DNAJC17: variants seen among roughly 807,000 people sequenced by gnomAD.
The protein encoded by DNAJC17 is DnaJ heat shock protein family (Hsp40) member C17.
DNAJC17 carries 35 observed loss-of-function variants against 48.1 expected under a neutral mutation model. The ratio of observed to expected loss-of-function variants is 0.73; its 90% CI spans 0.56 to 0.96. The LOEUF (loss-of-function observed/expected upper bound fraction) is 0.96. DNAJC17 is among the 50% of genes least tolerant of loss of function. The pLI is 0.00. For missense variants in DNAJC17, 355 were observed against 377.1 expected (o/e 0.94, Z 0.48); for synonymous variants, 117 against 142.7 (o/e 0.82, Z 1.28).
chr15:40,791,559 A>G (rs1007139997), intron 1 of DNAJC17, among the ~76,000 whole-genome samples: 4 of 151,740 alleles, frequency 2.6e-5, no homozygotes, highest in African/African-American at 9.7e-5. Context: ...AAAAAACAAC[A>G]GGCAGCTGGT....
At chr15:40,774,946 T>C in intron 8 of DNAJC17, 85 bp downstream of exon 8, 1 of 1,409,626 alleles carries the variant, frequency 7.1e-7, no homozygotes, top group Non-Finnish European at 1.0e-6. Context: ...TTAAGGGAAG[T>C]TCAGGCATTG....
intron 1 of DNAJC17, 99 bp downstream of exon 1, chr15:40,807,270 G>C: frequency 1.9e-6 from 3 of 1,605,244 alleles, no homozygotes; most frequent in Non-Finnish European, 2.6e-6. Flanking sequence ...CCCAGGACCC[G>C]AATGAACCTG....
Position 40,770,490 on chromosome 15 carries a change from G to T in DNAJC17, c.793-2428C>A. The T allele has an allele frequency of 6.5e-7, 1 of 1,546,730 alleles. No homozygotes were observed. The highest frequency in any genetic ancestry group is 8.7e-7 in the Non-Finnish European group (1 of 1,145,236). ...GAACACCTGTCTGCTGGCTCCCCTG[G>T]GCCCCATGGAGACCTGGCGGAAAGG... On this transcript the variant is annotated intron_variant, in intron 10 of 10. Transcript: ENST00000220496. The surrounding 1 kb of genome is among the most constrained non-coding windows in gnomAD (Gnocchi z 5.0).
chr15:40,768,735 C>T (rs1475850768), intron 10 of DNAJC17, among the ~76,000 whole-genome samples: 2 of 152,256 alleles, frequency 1.3e-5, no homozygotes, highest in Non-Finnish European at 2.9e-5. Context: ...AGCAGCTCTA[C>T]AGCGGGACCT....
At position 40,770,110 on chromosome 15, in the gene DNAJC17, A is replaced by C; in HGVS notation, c.793-2048T>G. 9.8e-6 allele frequency: 2 copies of C among 204,590 alleles called. No individual in the cohort carries two copies. Among genetic ancestry groups the C allele is most frequent in the African/African-American group, 2.3e-5 (1 of 42,606 alleles). 12.7% of individuals were successfully genotyped at this position (204,590 alleles called of 1,614,324 possible). ...CGGGCCATCTGCTGCCTGCCTGTGG[A>C]AGGAGCGCTCGCCAGCCTCACCCAG... On this transcript the variant is annotated intron_variant, in intron 10 of 10. Transcript: ENST00000220496. This position sits in a 1 kb window ranked among gnomAD's most constrained non-coding sequence, Gnocchi z 5.0.
chr15:40,778,665 C>T (rs1354620989), intron 4 of DNAJC17, among the ~76,000 whole-genome samples: 2 of 152,132 alleles, frequency 1.3e-5, no homozygotes, highest in East Asian at 1.9e-4. Context: ...AGGCCAGGTG[C>T]GGCAGCTCAC....
intron 1 of DNAJC17, among the ~76,000 whole-genome samples, chr15:40,799,920 G>A (rs1003831644): frequency 1.3e-5 from 2 of 152,086 alleles, no homozygotes; most frequent in Non-Finnish European, 2.9e-5. Context: ...CACAATCATA[G>A]CGCACTGTAG....
rs1889424044 is a variant in DNAJC17, at chr15:40,779,598, G to A, written c.154C>T (p.Leu52Phe). 1 of 1,613,850 alleles carries A rather than the reference G, an allele frequency of 6.2e-7. No homozygotes were observed. The highest frequency in any genetic ancestry group is 8.5e-7 in the Non-Finnish European group (1 of 1,180,018). ...AAGGCCTGAGAAAGCTGGTGGAAGA[G>A]TTCAGCTAAACATAAGGATCAAAAA... ...KNPDNPRAAE[L>F]FHQLSQALEV... Residue 52 changes from leucine to phenylalanine, a missense_variant, in exon 3 of 11, where the codon CTC becomes TTC. Leu to Phe is a conservative substitution (Grantham distance 22). Coordinates refer to ENST00000220496, the MANE Select transcript of DNAJC17 (RefSeq NM_018163.3).
At chr15:40,801,984 G>T (rs1223526570) in intron 1 of DNAJC17, among the ~76,000 whole-genome samples, 5 of 151,862 alleles carry the variant, frequency 3.3e-5, no homozygotes, top group Admixed American at 6.6e-5. Context: ...GGGTGAACAG[G>T]TTTGGGGATT....
intron 9 of DNAJC17, 32 bp downstream of exon 9, chr15:40,774,324 C>G (rs751628805): frequency 1.2e-6 from 2 of 1,612,648 alleles, no homozygotes; most frequent in South Asian, 2.2e-5. Context: ...GACAGGGCCA[C>G]GAGGGGCCCC....
At chr15:40,795,000 T>G (rs374088160) in intron 1 of DNAJC17, among the ~76,000 whole-genome samples, 439 of 151,414 alleles carry the variant, frequency 2.9e-3, no homozygotes, top group Middle Eastern at 6.8e-3. Flanking sequence ...ATTACAGGCA[T>G]GAGCCACCGT....
chr15:40,803,571 G>A (rs1301710853), intron 1 of DNAJC17, among the ~76,000 whole-genome samples: 2 of 152,120 alleles, frequency 1.3e-5, no homozygotes, highest in African/African-American at 4.8e-5. Flanking sequence ...TGCTTTCTTG[G>A]AATGCCCTGC....
chr15:40,775,012 G>A lies in DNAJC17; in HGVS notation c.600+19C>T. The A allele has an allele frequency of 6.2e-7, 1 of 1,613,872 alleles. No homozygotes were observed. Among genetic ancestry groups the A allele is most frequent in the African/African-American group, 1.3e-5 (1 of 75,038 alleles). ...GTGGACTGAGATGATAGGAAAGAGT[G>A]GACGTCAACAGGGCCGACCTTCTGC... On this transcript the variant is annotated intron_variant, in intron 8 of 10. Coordinates refer to ENST00000220496, the MANE Select transcript of DNAJC17 (RefSeq NM_018163.3).
At chr15:40,776,314 T>A (rs1187416727) in intron 5 of DNAJC17, 22 bp from the exon 6 acceptor site, 1 of 1,610,084 alleles carries the variant, frequency 6.2e-7, no homozygotes, top group Admixed American at 1.7e-5. Flanking sequence ...GGGGTGGGGG[T>A]GACAATTCTG....
rs1274114752 is a variant in DNAJC17, at chr15:40,799,215, A to C, written c.78+8154T>G. On this transcript the variant is annotated intron_variant, in intron 1 of 10. Transcript: ENST00000220496. ...ACTCCAGCCTGAGCGACAGAGCGAG[A>C]CTCCATCTCAAAAAAAAAAAAAAAA... 4.0e-5 allele frequency among the ~76,000 whole-genome samples: 5 copies of C among 125,056 alleles called. No homozygotes were observed. In the East Asian group the frequency reaches 9.0e-4, roughly 22 times the overall value. The allele number at this position is 125,056 out of a possible 152,430, so 82.0% of individuals were successfully genotyped here.
chr15:40,806,863 CTTGAGT>C (rs1890244288), intron 1 of DNAJC17, among the ~76,000 whole-genome samples: 1 of 151,000 alleles, frequency 6.6e-6, no homozygotes, highest in Admixed American at 6.6e-5. Context: ...AGTCAATGGG[CTTGAGT>C]GGAAAAGAAA....
In DNAJC17 at chr15:40,797,579, A is replaced by G. The variant is rs1285006286; in HGVS notation, c.78+9790T>C. On this transcript the variant is annotated intron_variant, in intron 1 of 10. Transcript: ENST00000220496. ...AGGCACCCGCCACCATGCCCAGCTA[A>G]TTTTTGTATTTTAGTAGAGCCGGGA... 6.2e-4 allele frequency among the ~76,000 whole-genome samples: 93 copies of G among 148,924 alleles called. No individual in the cohort carries two copies. In the Middle Eastern group the frequency reaches 0.011, roughly 17 times the overall value.
At chr15:40,791,929 G>A (rs1889817615) in intron 1 of DNAJC17, among the ~76,000 whole-genome samples, 1 of 152,118 alleles carries the variant, frequency 6.6e-6, no homozygotes, top group Non-Finnish European at 1.5e-5. Context: ...AGAGGTTCTG[G>A]GAAAAGCCCC....
chr15:40,797,903 G>T (rs574039326), intron 1 of DNAJC17, among the ~76,000 whole-genome samples: 21 of 151,492 alleles, frequency 1.4e-4, no homozygotes, highest in African/African-American at 4.8e-4. Flanking sequence ...TCTATTTTTA[G>T]TAGAGACAGG....
Sources: gnomAD v4.1 joint callset for allele counts (sites outside exome capture counted in the v4.1 genomes callset) on GRCh38, gnomAD v4.1.1 for gene constraint, Gnocchi (gnomAD v3.1) non-coding constraint, MANE v1.5 for transcripts, NCBI Gene and HGNC (gene_info 2026-07-23, HGNC 2026-07-21) for gene names.